Variants in PLD5 observed in about 807,000 individuals in gnomAD.
PLD5 encodes phospholipase D family member 5.
In PLD5, 36 loss-of-function variants were observed where a neutral mutation model predicts 61.1. The observed-to-expected ratio is 0.59, with a 90% confidence interval of 0.45 to 0.78. The LOEUF (loss-of-function observed/expected upper bound fraction) is 0.78. Among genes scored for constraint, PLD5 ranks in the 30% least tolerant of loss-of-function variants. PLD5 has a pLI of 0.00. For synonymous variants in PLD5, 243 were observed against 242.8 expected, an observed-to-expected ratio of 1.00 and a Z score of -0.01; for missense variants, 515 against 644.4, an observed-to-expected ratio of 0.80 and a Z score of 2.17.
chr1:242,247,876 T>C (rs1391800992), intron 4 of PLD5, among the ~76,000 whole-genome samples: 1 of 152,210 alleles, frequency 6.6e-6, no homozygotes, highest in Non-Finnish European at 1.5e-5. Context: ...AACCTAACTC[T>C]GAGCAGCTGC....
intron 1 of PLD5, among the ~76,000 whole-genome samples, chr1:242,450,244 T>C (rs2102922674): frequency 6.6e-6 from 1 of 152,322 alleles, no homozygotes; most frequent in East Asian, 1.9e-4. Flanking sequence ...TTTAGAATAA[T>C]AGTACACATA....
intron 3 of PLD5, among the ~76,000 whole-genome samples, chr1:242,278,771 C>T (rs1674553925): frequency 6.6e-6 from 1 of 152,198 alleles, no homozygotes; most frequent in Non-Finnish European, 1.5e-5. Flanking sequence ...TAGCACAGCA[C>T]CTTGATAAAT....
chr1:242,181,093 G>A (rs11809579), intron 5 of PLD5, among the ~76,000 whole-genome samples: 48,697 of 152,076 alleles, frequency 0.32, 8,014 homozygotes, highest in African/African-American at 0.37. Flanking sequence ...GAGAACCACT[G>A]TGCTAGAAGT....
intron 1 of PLD5, among the ~76,000 whole-genome samples, chr1:242,406,447 T>A (rs1222314586): frequency 6.6e-6 from 1 of 152,232 alleles, no homozygotes; most frequent in Non-Finnish European, 1.5e-5. Context: ...TCTCAAAGGC[T>A]AATGAAAAAT....
At chr1:242,148,960 TAGAG>T (rs143659341) in intron 5 of PLD5, among the ~76,000 whole-genome samples, 52,921 of 151,442 alleles carry the variant, frequency 0.35, 9,398 homozygotes, top group African/African-American at 0.37. Context: ...CATCTGCAAA[TAGAG>T]AGAGTTTTAT....
chr1:242,361,410 AAC>A (rs1190832928), intron 1 of PLD5, among the ~76,000 whole-genome samples: 1 of 152,186 alleles, frequency 6.6e-6, no homozygotes, highest in Non-Finnish European at 1.5e-5. Context: ...AATAATATCA[AAC>A]TTCAGGGAAC....
At chr1:242,144,574 G>C (rs1186195005) in intron 5 of PLD5, among the ~76,000 whole-genome samples, 1 of 151,852 alleles carries the variant, frequency 6.6e-6, no homozygotes, top group Non-Finnish European at 1.5e-5. Flanking sequence ...TGAGGTCAGG[G>C]GTTTGAGACC....
At chr1:242,450,947 C>A (rs904215864) in intron 1 of PLD5, among the ~76,000 whole-genome samples, 6 of 152,124 alleles carry the variant, frequency 3.9e-5, no homozygotes, top group African/African-American at 1.4e-4. Flanking sequence ...GTGTTTAACA[C>A]CTGTCCCCAA....
intron 2 of PLD5, among the ~76,000 whole-genome samples, chr1:242,313,385 G>C (rs3927023): frequency 0.97 from 148,341 of 152,276 alleles, 72,344 homozygotes; most frequent in Non-Finnish European, 1. Context: ...ATCTTTTGCT[G>C]TCATGTTTTG....
At chr1:242,520,536 C>T (rs1251031502) in intron 1 of PLD5, among the ~76,000 whole-genome samples, 1 of 152,152 alleles carries the variant, frequency 6.6e-6, no homozygotes, top group African/African-American at 2.4e-5. Flanking sequence ...AGCTCCTACT[C>T]TTAACCACAC....
At chr1:242,453,211 C>A (rs1310132204) in intron 1 of PLD5, among the ~76,000 whole-genome samples, 1 of 152,100 alleles carries the variant, frequency 6.6e-6, no homozygotes, top group African/African-American at 2.4e-5. Flanking sequence ...TGCCCTTCCC[C>A]CAGGTGAGGA....
intron 2 of PLD5, among the ~76,000 whole-genome samples, chr1:242,326,012 C>T (rs1318525626): frequency 3.3e-5 from 5 of 152,102 alleles, no homozygotes; most frequent in Non-Finnish European, 7.4e-5. Context: ...CTCAGCCTCC[C>T]GAGTAGTTGG....
chr1:242,484,239 A>G (rs1667881020), intron 1 of PLD5, among the ~76,000 whole-genome samples: 1 of 152,226 alleles, frequency 6.6e-6, no homozygotes, highest in Admixed American at 6.5e-5. Context: ...TAGAGACACA[A>G]AAAACCCTTC....
chr1:242,479,246 T>C (rs1667693983), intron 1 of PLD5, among the ~76,000 whole-genome samples: 1 of 152,162 alleles, frequency 6.6e-6, no homozygotes, highest in African/African-American at 2.4e-5. Context: ...AGGTAAACTT[T>C]CCTGATGTGC....
chr1:242,156,630 T>G (rs983035921), intron 5 of PLD5, among the ~76,000 whole-genome samples: 55 of 152,326 alleles, frequency 3.6e-4, no homozygotes, highest in African/African-American at 1.2e-3. Flanking sequence ...TGGCTGGATA[T>G]GAAATTCTGG....
chr1:242,212,376 A>G (rs976460294), intron 5 of PLD5, among the ~76,000 whole-genome samples: 1 of 152,230 alleles, frequency 6.6e-6, no homozygotes, highest in African/African-American at 2.4e-5. Context: ...GCTTATTTAA[A>G]AATACGAAAA....
At chr1:242,427,256 A>G (rs1472037389) in intron 1 of PLD5, among the ~76,000 whole-genome samples, 1 of 152,246 alleles carries the variant, frequency 6.6e-6, no homozygotes, top group African/African-American at 2.4e-5. Flanking sequence ...AAAAGTCTCA[A>G]GGATACTGTA....
intron 2 of PLD5, among the ~76,000 whole-genome samples, chr1:242,304,966 C>T (rs1676265058): frequency 6.6e-6 from 1 of 152,020 alleles, no homozygotes; most frequent in Non-Finnish European, 1.5e-5. Context: ...ATTAGCTGGG[C>T]ATGGTGGAGC....
intron 5 of PLD5, chr1:242,209,291 A>G (rs931749209): frequency 2.6e-5 from 4 of 152,206 alleles, no homozygotes; most frequent in African/African-American, 9.7e-5. Context: ...GTCTTCCCAC[A>G]GGACTCCCTG....
Sources: allele counts gnomAD v4.1 joint callset (sites outside exome capture counted in the v4.1 genomes callset), GRCh38; gene constraint gnomAD v4.1.1; transcripts MANE v1.5; gene names NCBI Gene and HGNC (gene_info 2026-07-23, HGNC 2026-07-21).